SIPA1L2: variants seen among roughly 807,000 people sequenced by gnomAD.
SIPA1L2 encodes signal-induced proliferation-associated 1-like protein 2.
A neutral mutation model predicts 163.9 loss-of-function variants in SIPA1L2; 56 were observed. The ratio of observed to expected loss-of-function variants is 0.34; its 90% CI spans 0.28 to 0.43. The LOEUF is 0.43. Ranked by LOEUF, SIPA1L2 falls within the 20% of genes least tolerant of loss-of-function variation. SIPA1L2 has a pLI of 1.00. For synonymous variants in SIPA1L2, 877 were observed against 865.7 expected, an observed-to-expected ratio of 1.01 and a Z score of -0.23; for missense variants, 1,974 against 2,193.5, an observed-to-expected ratio of 0.90 and a Z score of 2.00.
intron 2 of SIPA1L2, among the ~76,000 whole-genome samples, chr1:232,528,192 G>A (rs1303068827): frequency 6.6e-6 from 1 of 150,804 alleles, no homozygotes; most frequent in African/African-American, 2.5e-5. Flanking sequence ...TACATTTATT[G>A]AAGGATTTAC....
chr1:232,519,508 G>A (rs1558240855), intron 2 of SIPA1L2, among the ~76,000 whole-genome samples: 1 of 152,134 alleles, frequency 6.6e-6, no homozygotes. Flanking sequence ...CTTCGTGTCC[G>A]AGTTAGAGAA....
intron 6 of SIPA1L2, among the ~76,000 whole-genome samples, chr1:232,480,402 GAAT>G (rs1470110524): frequency 2.0e-5 from 3 of 152,134 alleles, no homozygotes; most frequent in Non-Finnish European, 4.4e-5. Flanking sequence ...ATCACTTACA[GAAT>G]ATTATCCAGT....
intron 19 of SIPA1L2, among the ~76,000 whole-genome samples, chr1:232,408,283 G>T (rs1660754181): frequency 7.7e-6 from 1 of 129,302 alleles, no homozygotes; most frequent in Non-Finnish European, 1.7e-5. Flanking sequence ...GACCTATGAA[G>T]GACTGTTTTT....
rs148938932 is a variant in SIPA1L2, at chr1:232,404,714, G to C, written c.4763-536C>G. ...TAAGAATGGGCGCCAGACTGGCCCA[G>C]CTCTGGGGGCTGAGCACTGACCAAG... On this transcript the variant is annotated intron_variant, in intron 19 of 22. Transcript: ENST00000674635. Among the ~76,000 whole-genome samples the C allele has an allele frequency of 2.4e-3, 360 of 152,356 alleles. 2 individuals are homozygous for C. The highest frequency in any genetic ancestry group is 0.017 in the South Asian group (84 of 4,826).
chr1:232,525,233 C>CTA (rs1667640252), intron 2 of SIPA1L2, among the ~76,000 whole-genome samples: 3 of 102,938 alleles, frequency 2.9e-5, no homozygotes, highest in Non-Finnish European at 5.4e-5. Context: ...ATAATAATAG[C>CTA]TTTTTTTTTT....
At chr1:232,512,095 T>C (rs915225820) in intron 3 of SIPA1L2, among the ~76,000 whole-genome samples, 2 of 152,158 alleles carry the variant, frequency 1.3e-5, no homozygotes, top group Admixed American at 6.5e-5. Flanking sequence ...AAGAAGACAT[T>C]TATGCGGCCA....
intron 15 of SIPA1L2, among the ~76,000 whole-genome samples, chr1:232,438,849 C>T (rs753371854): frequency 1.3e-5 from 2 of 151,164 alleles, no homozygotes; most frequent in Admixed American, 6.6e-5. Flanking sequence ...CTGACTAGAG[C>T]GATTAATATC....
At chr1:232,570,026 C>A (rs887496066) in intron 2 of SIPA1L2, among the ~76,000 whole-genome samples, 4 of 152,286 alleles carry the variant, frequency 2.6e-5, no homozygotes, top group Non-Finnish European at 5.9e-5. Flanking sequence ...ATATTCCAGG[C>A]ATCAAAACAG....
chr1:232,597,424 T>C (rs1048915916), intron 1 of SIPA1L2, among the ~76,000 whole-genome samples: 6 of 150,500 alleles, frequency 4.0e-5, no homozygotes, highest in African/African-American at 1.5e-4. Flanking sequence ...ACACCTGTAA[T>C]CCCAGCACTT....
At position 232,426,446 on chromosome 1, in the gene SIPA1L2, G is replaced by C. The variant is rs537363310; in HGVS notation, c.4411-638C>G. 2.0e-4 allele frequency among the ~76,000 whole-genome samples: 31 copies of C among 152,262 alleles called. 1 individual carries two copies. Among genetic ancestry groups the C allele is most frequent in the African/African-American group, 7.2e-4 (30 of 41,548 alleles). On this transcript the variant is annotated intron_variant, in intron 17 of 22. Coordinates refer to ENST00000674635, the MANE Select transcript of SIPA1L2 (RefSeq NM_020808.5). Reference sequence around the variant, plus strand: ...GAGGCAGAGGCTGGTGGATCACGAGGTCAGGAGATCAAGACCATTCTGGCT... The same window carrying C: ...GAGGCAGAGGCTGGTGGATCACGAGCTCAGGAGATCAAGACCATTCTGGCT...
Position 232,524,187 on chromosome 1 carries a change from G to A in SIPA1L2, c.-269-8579C>T, listed in dbSNP as rs541747059. 7.9e-4 allele frequency among the ~76,000 whole-genome samples: 120 copies of A among 152,320 alleles called. 2 individuals are homozygous for A. Among genetic ancestry groups the A allele is most frequent in the Non-Finnish European group, 2.9e-4 (20 of 68,038 alleles). On this transcript the variant is annotated intron_variant, in intron 2 of 22. Coordinates refer to ENST00000674635, the MANE Select transcript of SIPA1L2 (RefSeq NM_020808.5). ...ACCAGGGCACTGTACTGGATGCTGT[G>A]GGTGGGAAGAGTATGAAAGATGAAT...
chr1:232,597,107 T>C (rs1396819266), intron 1 of SIPA1L2, among the ~76,000 whole-genome samples: 1 of 152,210 alleles, frequency 6.6e-6, no homozygotes, highest in Non-Finnish European at 1.5e-5. Flanking sequence ...AAGAGGGTTC[T>C]ATGAGCATCC....
chr1:232,416,238 G>A (rs1364161236), intron 18 of SIPA1L2, among the ~76,000 whole-genome samples: 1 of 152,208 alleles, frequency 6.6e-6, no homozygotes, highest in African/African-American at 2.4e-5. Flanking sequence ...CTCCCAAAGT[G>A]GCCAAGATAA....
intron 2 of SIPA1L2, among the ~76,000 whole-genome samples, chr1:232,529,571 C>G (rs988762949): frequency 1.3e-5 from 2 of 152,156 alleles, no homozygotes; most frequent in African/African-American, 4.8e-5. Context: ...TAAAAGAATG[C>G]CCTGCTAAGA....
intron 6 of SIPA1L2, among the ~76,000 whole-genome samples, chr1:232,480,270 T>TCAATGAGG (rs1020376119): frequency 1.2e-4 from 18 of 152,236 alleles, no homozygotes; most frequent in African/African-American, 4.3e-4. Context: ...TGATTGAATA[T>TCAATGAGG]GGAAATGAGA....
intron 5 of SIPA1L2, among the ~76,000 whole-genome samples, chr1:232,485,502 C>T (rs1024157908): frequency 5.3e-5 from 8 of 152,200 alleles, no homozygotes; most frequent in Admixed American, 3.9e-4. Flanking sequence ...TGAGATACCA[C>T]ATTTACTGAG....
At chr1:232,560,700 G>GGGCCAT (rs71173224) in intron 2 of SIPA1L2, among the ~76,000 whole-genome samples, 37,929 of 151,898 alleles carry the variant, frequency 0.25, 4,946 homozygotes, top group South Asian at 0.32. Flanking sequence ...CCAAAGCCCT[G>GGGCCAT]GGCCATGTAC....
At chr1:232,484,430 T>G (rs1665542768) in intron 5 of SIPA1L2, among the ~76,000 whole-genome samples, 1 of 152,362 alleles carries the variant, frequency 6.6e-6, no homozygotes, top group East Asian at 1.9e-4. Context: ...CTTGTAAATA[T>G]GTAAGACTAT....
At chr1:232,492,036 T>C (rs880834) in intron 4 of SIPA1L2, among the ~76,000 whole-genome samples, 24,484 of 152,222 alleles carry the variant, frequency 0.16, 2,295 homozygotes, top group Non-Finnish European at 0.21. Flanking sequence ...AGTAGCCACC[T>C]GTGGCTAGTG....
Sources: gnomAD v4.1 joint callset for allele counts (sites outside exome capture counted in the v4.1 genomes callset) on GRCh38, gnomAD v4.1.1 for gene constraint, MANE v1.5 for transcripts, NCBI Gene and HGNC (gene_info 2026-07-23, HGNC 2026-07-21) for gene names.